The following LRRC7 variants were observed in gnomAD, a reference collection of about 807,000 sequenced individuals.
LRRC7 encodes the protein leucine-rich repeat-containing protein 7.
In LRRC7, 23 loss-of-function variants were observed where a neutral mutation model predicts 175.7. The observed-to-expected ratio is 0.13, with a 90% CI of 0.09 to 0.19. The LOEUF (loss-of-function observed/expected upper bound fraction) is 0.19. Ranked by LOEUF, LRRC7 falls within the 10% of genes least tolerant of loss-of-function variation. The pLI is 1.00. For synonymous variants in LRRC7, 685 were observed against 680.9 expected (o/e 1.01, Z -0.09); for missense variants, 1,354 against 1,904.7 (o/e 0.71, Z 5.38).
intron 1 of LRRC7, among the ~76,000 whole-genome samples, chr1:69,588,286 A>AT (rs1192879405): frequency 1.4e-4 from 22 of 151,770 alleles, no homozygotes; most frequent in Non-Finnish European, 2.5e-4. Flanking sequence ...ATGGCATCTT[A>AT]TTTTTTTTGC....
chr1:69,625,975 C>T (rs1286866754), intron 1 of LRRC7, among the ~76,000 whole-genome samples: 1 of 151,648 alleles, frequency 6.6e-6, no homozygotes, highest in African/African-American at 2.4e-5. Flanking sequence ...GTTCAAATGT[C>T]CTATATTCTT....
At chr1:69,688,117 G>T (rs1295058868) in intron 2 of LRRC7, among the ~76,000 whole-genome samples, 1 of 152,162 alleles carries the variant, frequency 6.6e-6, no homozygotes, top group Non-Finnish European at 1.5e-5. Context: ...AACCATTCTT[G>T]TTAAGAATTG....
chr1:69,637,579 G>A (rs886624426), intron 1 of LRRC7, among the ~76,000 whole-genome samples: 7 of 151,726 alleles, frequency 4.6e-5, no homozygotes, highest in Non-Finnish European at 8.8e-5. Flanking sequence ...GGATTTTTGG[G>A]GAATTAAATG....
chr1:70,106,003 CAT>C (rs1213524066), intron 25 of LRRC7, among the ~76,000 whole-genome samples: 1 of 152,122 alleles, frequency 6.6e-6, no homozygotes, highest in African/African-American at 2.4e-5. Flanking sequence ...CATACACACA[CAT>C]ATACACACAC....
intron 1 of LRRC7, among the ~76,000 whole-genome samples, chr1:69,655,680 A>G (rs1396938521): frequency 1.3e-5 from 2 of 152,070 alleles, no homozygotes; most frequent in Non-Finnish European, 2.9e-5. Flanking sequence ...GAAAAAGGAT[A>G]AAAGGCAGCT....
chr1:69,783,023 A>G (rs946642911), intron 3 of LRRC7, among the ~76,000 whole-genome samples: 2 of 152,240 alleles, frequency 1.3e-5, no homozygotes, highest in African/African-American at 4.8e-5. Context: ...ACAGCCTTTT[A>G]CATTCTAACT....
At chr1:70,029,914 C>T (rs78556527) in intron 18 of LRRC7, among the ~76,000 whole-genome samples, 12,104 of 152,160 alleles carry the variant, frequency 0.08, 586 homozygotes, top group South Asian at 0.13. Flanking sequence ...GTTTCCTTTG[C>T]AAACTTGCTT....
chr1:70,141,729 TA>T lies in LRRC7; in HGVS notation c.*19843del, dbSNP rs1667070095. 1 of 152,128 alleles carries T rather than the reference TA, an allele frequency of 6.6e-6. No individual in the cohort carries two copies. The highest frequency in any genetic ancestry group is 2.4e-5 in the African/African-American group (1 of 41,444). The allele number at this position is 152,128 out of a possible 1,614,324, so 9.4% of individuals were successfully genotyped here. A position where few individuals can be genotyped will look rare whatever the true frequency, so the allele number is the denominator to read the frequency against. On this transcript the variant is annotated 3_prime_UTR_variant, in exon 27 of 27. Coordinates refer to ENST00000651989, the MANE Select transcript of LRRC7 (RefSeq NM_001370785.2). Reference sequence around the variant, plus strand: ...GTTAGCTGCTTATATTGTACAAAGATATTTTTGGCTCTTTAAAGGTTATTTT... The same window carrying T: ...GTTAGCTGCTTATATTGTACAAAGATTTTTTGGCTCTTTAAAGGTTATTTT...
At chr1:69,670,620 G>A (rs2100571445) in intron 1 of LRRC7, among the ~76,000 whole-genome samples, 1 of 152,288 alleles carries the variant, frequency 6.6e-6, no homozygotes, top group South Asian at 2.1e-4. Context: ...TGGCCCCAGG[G>A]AGGTCCAGAG....
At chr1:70,014,960 G>C (rs1656837296) in intron 13 of LRRC7, among the ~76,000 whole-genome samples, 1 of 151,932 alleles carries the variant, frequency 6.6e-6, no homozygotes, top group Admixed American at 6.6e-5. Flanking sequence ...CATGATTCTG[G>C]ATAGTTTTGC....
chr1:69,584,237 C>T (rs1646316459), intron 1 of LRRC7, among the ~76,000 whole-genome samples: 1 of 152,022 alleles, frequency 6.6e-6, no homozygotes, highest in East Asian at 1.9e-4. Flanking sequence ...TCTGTTATCC[C>T]ATTAGACAAA....
chr1:70,038,063 A>C (rs201352828), intron 20 of LRRC7, 50 bp from the exon 21 acceptor site: 79 of 1,534,784 alleles, frequency 5.1e-5, no homozygotes, highest in South Asian at 4.2e-4. Flanking sequence ...TTTCTGCCAA[A>C]GACCCAACTC....
At chr1:69,604,639 CA>C (rs1647244728) in intron 1 of LRRC7, among the ~76,000 whole-genome samples, 2 of 152,016 alleles carry the variant, frequency 1.3e-5, no homozygotes, top group Admixed American at 1.3e-4. Flanking sequence ...TTTTTGGCAT[CA>C]TTTTTTATTG....
intron 1 of LRRC7, among the ~76,000 whole-genome samples, chr1:69,667,173 A>C (rs1166000036): frequency 6.6e-6 from 1 of 152,086 alleles, no homozygotes; most frequent in East Asian, 1.9e-4. Context: ...GAAGGTGCTT[A>C]ATATTATTTC....
In LRRC7 at chr1:69,798,610, T is replaced by G. The variant is rs555274044; in HGVS notation, c.421+6450T>G. Reference sequence around the variant, plus strand: ...AATGTACCCATCATGGAAATTAAAGTGTTAATGTGTATTATAGATTTCATA... The same window carrying G: ...AATGTACCCATCATGGAAATTAAAGGGTTAATGTGTATTATAGATTTCATA... On this transcript the variant is annotated intron_variant, in intron 4 of 26. Coordinates refer to ENST00000651989, the MANE Select transcript of LRRC7 (RefSeq NM_001370785.2). 2.6e-5 allele frequency among the ~76,000 whole-genome samples: 4 copies of G among 152,158 alleles called. No homozygotes were observed. In the South Asian group the frequency reaches 6.2e-4, roughly 24 times the overall value.
intron 2 of LRRC7, among the ~76,000 whole-genome samples, chr1:69,717,838 GAAAAAA>G (rs1195100510): frequency 0.024 from 704 of 28,990 alleles, 40 homozygotes; most frequent in African/African-American, 0.039. Context: ...AAGAAAGAAA[GAAAAAA>G]GAAAGAAAGG....
At chr1:69,732,499 A>G (rs1356552499) in intron 2 of LRRC7, among the ~76,000 whole-genome samples, 1 of 152,096 alleles carries the variant, frequency 6.6e-6, no homozygotes, top group Non-Finnish European at 1.5e-5. Flanking sequence ...ACAGAACTTT[A>G]AAAGAGCAAT....
intron 26 of LRRC7, among the ~76,000 whole-genome samples, chr1:70,118,947 C>G (rs959946065): frequency 6.6e-6 from 1 of 151,778 alleles, no homozygotes; most frequent in East Asian, 1.9e-4. Flanking sequence ...TGAACTAACA[C>G]CTTGTTTAAA....
At position 69,815,431 on chromosome 1, in the gene LRRC7, C is replaced by CT. The variant is rs140489998; in HGVS notation, c.422-10309dup. ...AGTATCCTCAGAAGGTTGGCTGTGT[C>CT]TTTTTTTTGGAATACCCTTCCACCT... is the stretch of plus-strand genomic sequence containing the variant. On this transcript the variant is annotated intron_variant, in intron 4 of 26. Coordinates refer to ENST00000651989, the MANE Select transcript of LRRC7 (RefSeq NM_001370785.2). 8.1e-3 allele frequency among the ~76,000 whole-genome samples: 1,232 copies of CT among 151,908 alleles called. 17 individuals carry two copies. Among genetic ancestry groups the CT allele is most frequent in the African/African-American group, 0.028 (1,169 of 41,426 alleles).
Sources: gnomAD v4.1 joint callset for allele counts (sites outside exome capture counted in the v4.1 genomes callset) on GRCh38, gnomAD v4.1.1 for gene constraint, MANE v1.5 for transcripts, NCBI Gene and HGNC (gene_info 2026-07-23, HGNC 2026-07-21) for gene names.